OTOF: variants seen among roughly 807,000 people sequenced by gnomAD.
The protein encoded by OTOF is otoferlin.
In OTOF, 218 loss-of-function variants were observed where a neutral mutation model predicts 236.8. The observed-to-expected ratio is 0.92, with a 90% CI of 0.82 to 1.03. The LOEUF (loss-of-function observed/expected upper bound fraction) is 1.03. OTOF is among the 50% of genes least tolerant of loss of function. The probability of loss-of-function intolerance (pLI) is 0.00; values close to 1 mark genes in which losing one functional copy is unlikely to be tolerated. For missense variants in OTOF, 2,590 were observed against 2,694.4 expected (o/e 0.96, Z 0.86); for synonymous variants, 1,041 against 1,072.5 (o/e 0.97, Z 0.57).
At chr2:26,512,046 G>A (rs1666405007) in intron 5 of OTOF, among the ~76,000 whole-genome samples, 1 of 152,136 alleles carries the variant, frequency 6.6e-6, no homozygotes, top group Non-Finnish European at 1.5e-5. Context: ...GGCCTCCACT[G>A]GAGTGGAAGA....
At chr2:26,467,056 G>A (rs1231722058) in intron 35 of OTOF, 43 bp downstream of exon 35, 1 of 1,608,812 alleles carries the variant, frequency 6.2e-7, no homozygotes, top group Non-Finnish European at 8.5e-7. Context: ...GGGGGGGCAA[G>A]GGCTGGCGGG....
chr2:26,483,212 T>A (rs764164803), intron 13 of OTOF, among the ~76,000 whole-genome samples: 43 of 151,940 alleles, frequency 2.8e-4, no homozygotes, highest in Admixed American at 2.1e-3. Flanking sequence ...TGCATGTGTG[T>A]GTGCGTGCCT....
chr2:26,477,257 C>T lies in OTOF; in HGVS notation c.2438G>A (p.Arg813Gln), dbSNP rs767282723. The T allele has an allele frequency of 7.5e-6, 12 of 1,609,006 alleles. No homozygotes were observed. Among genetic ancestry groups the T allele is most frequent in the Middle Eastern group, 1.6e-4 (1 of 6,078 alleles). Residue 813 changes from arginine (R) to glutamine (Q), a missense_variant, in exon 21 of 47, where the codon CGG becomes CAG. Around this residue, in one of 2 missense-constraint regions of OTOF, gnomAD observed 1,379 missense variants for 1,341.6 expected, o/e 1.03. Coordinates refer to ENST00000272371, the MANE Select transcript of OTOF (RefSeq NM_194248.3). This position sits in a 1 kb window ranked among gnomAD's most constrained non-coding sequence, Gnocchi z 4.7. ...ENMGQQARML[R>Q]AQVKRHTVRD... Reference sequence around the variant, plus strand: ...CACCGTGTGCCGCTTCACCTGGGCCCGCAGCATCCTGGCCTGCTGCCCCAT... The same window carrying T: ...CACCGTGTGCCGCTTCACCTGGGCCTGCAGCATCCTGGCCTGCTGCCCCAT...
At position 26,462,719 on chromosome 2, in the gene OTOF, C is replaced by T. The variant is rs1664538940; in HGVS notation, c.5193-538G>A. Among the ~76,000 whole-genome samples the T allele has an allele frequency of 6.6e-6, 1 of 152,198 alleles. No individual in the cohort carries two copies. Among genetic ancestry groups the T allele is most frequent in the Non-Finnish European group, 1.5e-5 (1 of 68,032 alleles). ...CAGCTGACTCATGGCCTCAGGTTTC[C>T]AGGACATTCCTGGCAGAATTTGCTG... On this transcript the variant is annotated intron_variant, in intron 41 of 46. Transcript: ENST00000272371. The surrounding 1 kb of genome is among the most constrained non-coding windows in gnomAD (Gnocchi z 4.7).
Position 26,516,434 on chromosome 2 carries a change from C to T in OTOF, c.493G>A (p.Glu165Lys). The change falls in exon 5 of 47, where the codon GAG becomes AAG. Residue 165 changes from glutamate (E) to lysine (K), a missense_variant. Transcript: ENST00000272371. ...GSRPSSRPPG[E>K]KSFRRAGRSV... ...GCCTGTTACCTCCGGAAGCTCTTCT[C>T]TCCTGGGGGCCGGGAGCTGGGCCGG... The T allele has an allele frequency of 1.2e-6, 2 of 1,613,996 alleles. No individual in the cohort carries two copies. The highest frequency in any genetic ancestry group is 8.5e-7 in the Non-Finnish European group (1 of 1,179,952).
intron 35 of OTOF, 48 bp downstream of exon 35, chr2:26,467,051 G>T: frequency 1.2e-6 from 2 of 1,607,658 alleles, no homozygotes; most frequent in East Asian, 2.2e-5. Context: ...CTGTGGGGGG[G>T]GCAAGGGCTG....
chr2:26,463,905 G>T, intron 40 of OTOF, 59 bp downstream of exon 40: 2 of 1,601,046 alleles, frequency 1.2e-6, no homozygotes, highest in Middle Eastern at 3.3e-4. Flanking sequence ...ACTGACTCAG[G>T]TTGGGGATCC....
In OTOF at chr2:26,503,632, G is replaced by A. The variant is rs181054838; in HGVS notation, c.583+140C>T. ...GCCCTAGGGCGTCTCCTTCCTAGAG[G>A]GCCACGCATCACTGGGTGGGGCCTG... On this transcript the variant is annotated intron_variant, in intron 6 of 46. Coordinates refer to ENST00000272371, the MANE Select transcript of OTOF (RefSeq NM_194248.3). 258 of 752,050 alleles carry A rather than the reference G, an allele frequency of 3.4e-4. 2 individuals are homozygous for A. In the African/African-American group the frequency reaches 3.9e-3, roughly 11 times the overall value. 46.6% of individuals were successfully genotyped at this position (752,050 alleles called of 1,614,324 possible). A position where few individuals can be genotyped will look rare whatever the true frequency, so the allele number is the denominator to read the frequency against.
At position 26,489,747 on chromosome 2, in the gene OTOF, G is replaced by A; in HGVS notation, c.898-7C>T. Reference sequence around the variant, plus strand: ...GGAAGTCGAAGACGAAGTACTGGAGGGGGAAGGATCCAGGCCTGCTGTCAC... The same window carrying A: ...GGAAGTCGAAGACGAAGTACTGGAGAGGGAAGGATCCAGGCCTGCTGTCAC... On this transcript the variant is annotated splice_region_variant and splice_polypyrimidine_tract_variant and intron_variant, in intron 9 of 46. Coordinates refer to ENST00000272371, the MANE Select transcript of OTOF (RefSeq NM_194248.3). 7 of 1,610,884 alleles carry A rather than the reference G, an allele frequency of 4.3e-6. No homozygotes were observed. Among genetic ancestry groups the A allele is most frequent in the Non-Finnish European group, 5.1e-6 (6 of 1,178,072 alleles).
At chr2:26,544,092 T>A (rs755866431) in intron 1 of OTOF, among the ~76,000 whole-genome samples, 7 of 152,272 alleles carry the variant, frequency 4.6e-5, no homozygotes, top group Non-Finnish European at 8.8e-5. Context: ...ATCACATTTG[T>A]AGCTTATTTT....
intron 4 of OTOF, among the ~76,000 whole-genome samples, 171 bp downstream of exon 4, chr2:26,518,839 T>C (rs1042479342): frequency 6.6e-6 from 1 of 152,234 alleles, no homozygotes; most frequent in African/African-American, 2.4e-5. Flanking sequence ...CCTCCAGCCA[T>C]GGCCACAGAT....
intron 1 of OTOF, among the ~76,000 whole-genome samples, chr2:26,553,183 G>C (rs1483923115): frequency 6.6e-6 from 1 of 152,118 alleles, no homozygotes; most frequent in Non-Finnish European, 1.5e-5. Context: ...CACTCAGCAG[G>C]CCCACTGCTC....
intron 8 of OTOF, among the ~76,000 whole-genome samples, chr2:26,497,223 C>A (rs531326209): frequency 3.3e-5 from 5 of 151,930 alleles, no homozygotes; most frequent in Admixed American, 3.3e-4. Context: ...CAGACTCAGC[C>A]TCCCGAGTAG....
intron 2 of OTOF, among the ~76,000 whole-genome samples, chr2:26,530,664 G>T (rs943854229): frequency 6.6e-6 from 1 of 151,848 alleles, no homozygotes; most frequent in African/African-American, 2.4e-5. Context: ...CGCATCATTC[G>T]TCTGCTTTCT....
chr2:26,522,686 A>G (rs1052074466), intron 3 of OTOF, among the ~76,000 whole-genome samples: 2 of 152,222 alleles, frequency 1.3e-5, no homozygotes, highest in African/African-American at 4.8e-5. Context: ...TTGTGAGGCC[A>G]TGTGTTCTGT....
intron 1 of OTOF, 151 bp from the exon 2 acceptor site, chr2:26,537,925 G>C (rs1667114078): frequency 1.4e-6 from 1 of 700,004 alleles, no homozygotes; most frequent in African/African-American, 1.8e-5. Flanking sequence ...CCCAGGGTGA[G>C]GCCAGTCCCC....
chr2:26,460,793 C>T lies in OTOF; in HGVS notation c.5713-46G>A. Reference sequence around the variant, plus strand: ...CCAGCGTCCAGGCTGCGTGCTGGGCCCTTGGCACCCCAGCCAGTCCCAGCC... The same window carrying T: ...CCAGCGTCCAGGCTGCGTGCTGGGCTCTTGGCACCCCAGCCAGTCCCAGCC... On this transcript the variant is annotated intron_variant, in intron 44 of 46. Transcript: ENST00000272371. This position sits in a 1 kb window ranked among gnomAD's most constrained non-coding sequence, Gnocchi z 5.3. 1.2e-6 allele frequency: 2 copies of T among 1,613,172 alleles called. No individual in the cohort carries two copies. Among genetic ancestry groups the T allele is most frequent in the East Asian group, 4.5e-5 (2 of 44,874 alleles).
chr2:26,494,658 G>C (rs1291042742), intron 9 of OTOF, among the ~76,000 whole-genome samples: 1 of 141,434 alleles, frequency 7.1e-6, no homozygotes, highest in Non-Finnish European at 1.5e-5. Flanking sequence ...GAGTGGGGTG[G>C]GGGGGGGTTC....
At chr2:26,509,426 TAC>T (rs1246196321) in intron 5 of OTOF, among the ~76,000 whole-genome samples, 11 of 152,220 alleles carry the variant, frequency 7.2e-5, no homozygotes, top group Non-Finnish European at 1.2e-4. Context: ...GAGCTCTTCC[TAC>T]ACAGCGCCAT....
Sources: allele counts gnomAD v4.1 joint callset (sites outside exome capture counted in the v4.1 genomes callset), GRCh38; gene constraint gnomAD v4.1.1; regional missense constraint gnomAD v4.1.1; non-coding constraint Gnocchi (gnomAD v3.1); transcripts MANE v1.5; gene names NCBI Gene and HGNC (gene_info 2026-07-23, HGNC 2026-07-21).